The following GNAL variants were observed in gnomAD, a reference collection of about 807,000 sequenced individuals.
GNAL encodes the protein G protein subunit alpha L, also known as guanine nucleotide-binding protein G(olf) subunit alpha.
Under a neutral mutation model 55.1 loss-of-function variants are expected in GNAL, and 18 were observed. That is an observed-to-expected ratio of 0.33 (90% CI 0.23 to 0.48). The LOEUF (loss-of-function observed/expected upper bound fraction) is 0.48. Ranked by LOEUF, GNAL falls within the 20% of genes least tolerant of loss-of-function variation. The pLI is 0.99. For synonymous variants in GNAL, 253 were observed against 237.0 expected, an observed-to-expected ratio of 1.07 and a Z score of -0.62; for missense variants, 412 against 614.1, an observed-to-expected ratio of 0.67 and a Z score of 3.48.
chr18:11,741,611 G>A (rs1020705535), intron 1 of GNAL, among the ~76,000 whole-genome samples: 9 of 152,216 alleles, frequency 5.9e-5, no homozygotes, highest in Non-Finnish European at 1.3e-4. Flanking sequence ...TGTGCTAGAT[G>A]TATAGTAGGT....
chr18:11,735,765 AAAG>A (rs1297206861), intron 1 of GNAL, among the ~76,000 whole-genome samples: 53 of 150,760 alleles, frequency 3.5e-4, no homozygotes, highest in African/African-American at 1.2e-3. Context: ...AAAAAAAAAA[AAAG>A]AAAGAGAGAA....
Position 11,697,487 on chromosome 18 carries a change from G to A in GNAL, c.376+7548G>A, listed in dbSNP as rs192167283. The stretch of plus-strand genomic sequence containing the variant: ...GTGGGAGTATCACTTGAACCTGGGA[G>A]GCGGAGTTTGTAGTGGGTTGAGATC... On this transcript the variant is annotated intron_variant, in intron 1 of 11. Coordinates refer to ENST00000334049, the MANE Select transcript of GNAL (RefSeq NM_182978.4). 3.3e-4 allele frequency among the ~76,000 whole-genome samples: 50 copies of A among 152,232 alleles called. 1 individual carries two copies. In the East Asian group the frequency reaches 9.7e-3, roughly 29 times the overall value.
chr18:11,836,196 C>T (rs2035494697), intron 5 of GNAL, among the ~76,000 whole-genome samples: 1 of 152,042 alleles, frequency 6.6e-6, no homozygotes, highest in African/African-American at 2.4e-5. Context: ...TGTAAAATCC[C>T]AGCACTTTGG....
At chr18:11,800,031 CATTATT>C (rs1226663872) in intron 4 of GNAL, among the ~76,000 whole-genome samples, 3 of 152,112 alleles carry the variant, frequency 2.0e-5, no homozygotes, top group Non-Finnish European at 2.9e-5. Flanking sequence ...ATGTCACTGT[CATTATT>C]ATTATTTGCT....
chr18:11,864,400 G>C (rs1029980013), intron 6 of GNAL, 133 bp from the exon 7 acceptor site: 2 of 687,572 alleles, frequency 2.9e-6, no homozygotes, highest in Non-Finnish European at 5.5e-6. Flanking sequence ...GCCAATGTTG[G>C]TTCTTAATTG....
At chr18:11,744,460 CT>C (rs1182427798) in intron 1 of GNAL, among the ~76,000 whole-genome samples, 2 of 152,100 alleles carry the variant, frequency 1.3e-5, no homozygotes, top group Non-Finnish European at 2.9e-5. Context: ...AGAATGATCT[CT>C]GCTGCTAAAA....
At chr18:11,841,644 CAAAAA>C (rs56295234) in intron 5 of GNAL, among the ~76,000 whole-genome samples, 4 of 122,726 alleles carry the variant, frequency 3.3e-5, no homozygotes, top group East Asian at 2.4e-4. Context: ...GGGTCTGTCT[CAAAAA>C]AAAAAAAAAA....
chr18:11,717,521 G>A (rs2032001463), intron 1 of GNAL, among the ~76,000 whole-genome samples: 1 of 152,226 alleles, frequency 6.6e-6, no homozygotes, highest in Non-Finnish European at 1.5e-5. Context: ...GTTCAAAATA[G>A]CAAAGACATG....
chr18:11,771,960 A>T (rs899670338), intron 4 of GNAL, among the ~76,000 whole-genome samples: 1 of 151,924 alleles, frequency 6.6e-6, no homozygotes, highest in Admixed American at 6.6e-5. Flanking sequence ...ACCTCAGGTG[A>T]TCTACCTGCC....
chr18:11,868,126 G>T lies in GNAL; in HGVS notation c.911-417G>T, dbSNP rs1341871577. Among the ~76,000 whole-genome samples the T allele has an allele frequency of 2.7e-5, 4 of 147,500 alleles. No homozygotes were observed. The highest frequency in any genetic ancestry group is 4.5e-5 in the Non-Finnish European group (3 of 66,992). On this transcript the variant is annotated intron_variant, in intron 8 of 11. Transcript: ENST00000334049. The surrounding 1 kb of genome is among the most constrained non-coding windows in gnomAD (Gnocchi z 4.0). ...GGCAACAAGAGTGAAACTCTGTCTC[G>T]GAAGAAAATACAAAAATACAAAAAT... is the stretch of plus-strand genomic sequence containing the variant.
At chr18:11,807,819 G>C (rs1229966779) in intron 4 of GNAL, among the ~76,000 whole-genome samples, 2 of 152,142 alleles carry the variant, frequency 1.3e-5, no homozygotes, top group Non-Finnish European at 2.9e-5. Context: ...GGGAAGAGAG[G>C]GAGCCAGCAG....
rs2036865357 is a variant in GNAL, at chr18:11,884,421, G to A, written c.*3286G>A. On this transcript the variant is annotated 3_prime_UTR_variant, in exon 12 of 12. Coordinates refer to ENST00000334049, the MANE Select transcript of GNAL (RefSeq NM_182978.4). ...CCCAAAGTTCCATTTCTTGGGCTTT[G>A]ATATTTATAATGGCGCCTGCTCTTC... is the stretch of plus-strand genomic sequence containing the variant. 1.2e-6 allele frequency: 2 copies of A among 1,607,202 alleles called. No individual in the cohort carries two copies. Among genetic ancestry groups the A allele is most frequent in the Non-Finnish European group, 1.7e-6 (2 of 1,175,346 alleles).
At chr18:11,736,680 G>A (rs1186395818) in intron 1 of GNAL, among the ~76,000 whole-genome samples, 1 of 152,212 alleles carries the variant, frequency 6.6e-6, no homozygotes, top group African/African-American at 2.4e-5. Flanking sequence ...ACTGCAGGGT[G>A]TAAATTCCCC....
At position 11,884,614 on chromosome 18, in the gene GNAL, G is replaced by T. The variant is rs2036899115; in HGVS notation, c.*3479G>T. 2 of 1,613,534 alleles carry T rather than the reference G, an allele frequency of 1.2e-6. No individual in the cohort carries two copies. The highest frequency in any genetic ancestry group is 1.7e-6 in the Non-Finnish European group (2 of 1,179,958). On this transcript the variant is annotated 3_prime_UTR_variant, in exon 12 of 12. Transcript: ENST00000334049. ...GCACTTGGAGAGGGTGTAGTCTGTG[G>T]GCGTGATGCTACCCTGGAAAGGAGA...
rs1568026167 is a variant in GNAL at position 11,786,150 on chromosome 18, G to A, written c.624+32205G>A. Among the ~76,000 whole-genome samples, 5 of 152,222 alleles carry A rather than the reference G, an allele frequency of 3.3e-5. No individual in the cohort carries two copies. The East Asian group carries it at 5.8e-4, about 18-fold the overall frequency. ...ATAATTCAGTGCCCTGGAATTCCGT[G>A]CACATTAGAATATGGAGGACCTGCT... is the stretch of plus-strand genomic sequence containing the variant. On this transcript the variant is annotated intron_variant, in intron 4 of 11. Coordinates refer to ENST00000334049, the MANE Select transcript of GNAL (RefSeq NM_182978.4).
At chr18:11,841,459 A>G (rs1022967843) in intron 5 of GNAL, among the ~76,000 whole-genome samples, 3 of 152,066 alleles carry the variant, frequency 2.0e-5, no homozygotes, top group African/African-American at 7.2e-5. Flanking sequence ...CAGCCTGGCC[A>G]AAATGGTGAA....
At position 11,753,906 on chromosome 18, in the gene GNAL, C is replaced by T; in HGVS notation, c.585C>T (p.Ile195=). The change falls in exon 4 of 12, where the codon ATC becomes ATT. Residue 195 remains isoleucine (I), a synonymous_variant. Transcript: ENST00000334049. ...NPENQFRSDY[I]KSIAPITDFE... ...AAAACCAATTTCGATCAGACTACAT[C>T]AAGAGCATAGCCCCTATCACTGACT... is the stretch of plus-strand genomic sequence containing the variant. 1 of 1,609,052 alleles carries T rather than the reference C, an allele frequency of 6.2e-7. No individual in the cohort carries two copies. Among genetic ancestry groups the T allele is most frequent in the South Asian group, 1.1e-5 (1 of 90,958 alleles).
At chr18:11,870,786 A>T (rs961885662) in intron 9 of GNAL, among the ~76,000 whole-genome samples, 2 of 152,196 alleles carry the variant, frequency 1.3e-5, no homozygotes, top group African/African-American at 2.4e-5. Flanking sequence ...CAAGGAGGAG[A>T]GGAAACATAA....
chr18:11,820,516 TA>T (rs2035064735), intron 4 of GNAL, among the ~76,000 whole-genome samples: 1 of 152,246 alleles, frequency 6.6e-6, no homozygotes, highest in African/African-American at 2.4e-5. Context: ...TGCTGCCTTA[TA>T]AATAAAATAT....
Sources: allele counts gnomAD v4.1 joint callset (sites outside exome capture counted in the v4.1 genomes callset), GRCh38; gene constraint gnomAD v4.1.1; non-coding constraint Gnocchi (gnomAD v3.1); transcripts MANE v1.5; gene names NCBI Gene and HGNC (gene_info 2026-07-23, HGNC 2026-07-21).